Variants in ZCCHC7 observed in about 807,000 individuals in gnomAD.
ZCCHC7 encodes zinc finger CCHC-type containing 7, also known as zinc finger CCHC domain-containing protein 7.
In ZCCHC7, 35 loss-of-function variants were observed where a neutral mutation model predicts 52.0. The observed-to-expected ratio is 0.67, with a 90% CI of 0.51 to 0.89. ZCCHC7 has a LOEUF of 0.89. Among genes scored for constraint, ZCCHC7 ranks in the 40% least tolerant of loss-of-function variants. The pLI, the probability that ZCCHC7 is intolerant of heterozygous loss-of-function variation, is 0.00. For missense variants in ZCCHC7, 574 were observed against 649.1 expected, an observed-to-expected ratio of 0.88 and a Z score of 1.26; for synonymous variants, 217 against 221.5, an observed-to-expected ratio of 0.98 and a Z score of 0.18.
At chr9:37,211,754 C>T (rs546411393) in intron 2 of ZCCHC7, among the ~76,000 whole-genome samples, 45 of 152,212 alleles carry the variant, frequency 3.0e-4, no homozygotes, top group African/African-American at 1.1e-3. Flanking sequence ...TAGGGCCGGG[C>T]GCGGTGGCTC....
chr9:37,336,670 C>G (rs1388856587), intron 6 of ZCCHC7, among the ~76,000 whole-genome samples: 3 of 151,980 alleles, frequency 2.0e-5, no homozygotes, highest in African/African-American at 7.3e-5. Context: ...AATATAGTAG[C>G]AGATTTGAAT....
chr9:37,208,299 TG>T (rs1824031455), intron 2 of ZCCHC7, among the ~76,000 whole-genome samples: 2 of 152,158 alleles, frequency 1.3e-5, no homozygotes, highest in Admixed American at 6.5e-5. Flanking sequence ...TTGCCCAGGC[TG>T]GTCTTGAACT....
chr9:37,298,223 A>T (rs1374982325), intron 2 of ZCCHC7, among the ~76,000 whole-genome samples: 1 of 152,232 alleles, frequency 6.6e-6, no homozygotes, highest in Non-Finnish European at 1.5e-5. Flanking sequence ...TAATAAAGAT[A>T]GCAGAATAGT....
At chr9:37,235,973 AGATTGATT>A (rs1453630836) in intron 2 of ZCCHC7, among the ~76,000 whole-genome samples, 1 of 152,078 alleles carries the variant, frequency 6.6e-6, no homozygotes, top group Non-Finnish European at 1.5e-5. Flanking sequence ...GTGGGCAGAT[AGATTGATT>A]CTATATCTTG....
intron 5 of ZCCHC7, among the ~76,000 whole-genome samples, chr9:37,314,238 A>G (rs1829714898): frequency 1.3e-5 from 2 of 152,196 alleles, no homozygotes; most frequent in African/African-American, 2.4e-5. Context: ...GCCTGCCTTT[A>G]TAAACTTTAT....
At chr9:37,177,334 CAATA>C (rs960842324) in intron 2 of ZCCHC7, among the ~76,000 whole-genome samples, 6 of 151,440 alleles carry the variant, frequency 4.0e-5, no homozygotes, top group Non-Finnish European at 7.4e-5. Flanking sequence ...GACTCAGTCT[CAATA>C]AATAAATAAA....
intron 2 of ZCCHC7, among the ~76,000 whole-genome samples, chr9:37,132,732 G>A (rs919001173): frequency 6.6e-6 from 1 of 152,126 alleles, no homozygotes; most frequent in Non-Finnish European, 1.5e-5. Context: ...ACATCCTCTC[G>A]TATACTTTTA....
At chr9:37,353,751 T>C (rs1588714145) in intron 7 of ZCCHC7, among the ~76,000 whole-genome samples, 1 of 152,364 alleles carries the variant, frequency 6.6e-6, no homozygotes, top group Middle Eastern at 3.4e-3. Flanking sequence ...GGCTGCTAGC[T>C]TGGCTAGTTC....
At chr9:37,140,792 T>C (rs1301329353) in intron 2 of ZCCHC7, among the ~76,000 whole-genome samples, 6 of 151,976 alleles carry the variant, frequency 3.9e-5, no homozygotes, top group Admixed American at 3.9e-4. Context: ...AACTCTGTGA[T>C]TGTGCCACCA....
rs555603315 is a variant in ZCCHC7, at chr9:37,190,204, T to C, written c.610+63262T>C. Among the ~76,000 whole-genome samples, 5 of 152,338 alleles carry C rather than the reference T, an allele frequency of 3.3e-5. No individual in the cohort carries two copies. In the South Asian group the frequency reaches 1.0e-3, roughly 32 times the overall value. ...TTGTTCCCTCAGAGTTTTAGACTTC[T>C]GCAGACCCCACTGCTGCTGCTGTCA... On this transcript the variant is annotated intron_variant, in intron 2 of 8. Coordinates refer to ENST00000336755, the MANE Select transcript of ZCCHC7 (RefSeq NM_032226.3).
At chr9:37,123,195 G>A (rs939330786) in intron 1 of ZCCHC7, among the ~76,000 whole-genome samples, 8 of 5,072 alleles carry the variant, frequency 1.6e-3, no homozygotes, top group African/African-American at 2.8e-3. Context: ...TCAAGGGTGT[G>A]TGTGTGTGTG....
intron 2 of ZCCHC7, among the ~76,000 whole-genome samples, chr9:37,153,214 A>G (rs1820628401): frequency 6.6e-6 from 1 of 152,034 alleles, no homozygotes; most frequent in African/African-American, 2.4e-5. Flanking sequence ...TCTTTTGCCC[A>G]GGCTGGAGTG....
At chr9:37,162,072 A>C (rs563155664) in intron 2 of ZCCHC7, among the ~76,000 whole-genome samples, 97 of 152,300 alleles carry the variant, frequency 6.4e-4, no homozygotes, top group African/African-American at 1.8e-3. Flanking sequence ...TAACTTCAGA[A>C]ACTAAATCTG....
rs535089557 is a variant in ZCCHC7, at chr9:37,219,747, A to G, written c.611-82441A>G. Among the ~76,000 whole-genome samples, 5 of 152,360 alleles carry G rather than the reference A, an allele frequency of 3.3e-5. No individual in the cohort carries two copies. The East Asian group carries it at 9.6e-4, about 29-fold the overall frequency. ...GGTATATTTAGAATCATGTGAGTCC[A>G]AAAGTTTAAATTGTGTAAGTCTAAA... On this transcript the variant is annotated intron_variant, in intron 2 of 8. Transcript: ENST00000336755.
chr9:37,238,952 A>G (rs968241252), intron 2 of ZCCHC7, among the ~76,000 whole-genome samples: 15 of 152,264 alleles, frequency 9.9e-5, no homozygotes, highest in Admixed American at 2.6e-4. Flanking sequence ...TGGTTATTTT[A>G]CATGTTGATT....
chr9:37,329,206 T>G (rs2118205374), intron 6 of ZCCHC7, among the ~76,000 whole-genome samples: 1 of 151,910 alleles, frequency 6.6e-6, no homozygotes, highest in African/African-American at 2.4e-5. Context: ...TTTAAACAAT[T>G]CCAATCTTGA....
chr9:37,138,855 C>A (rs1018909406), intron 2 of ZCCHC7, among the ~76,000 whole-genome samples: 2 of 151,652 alleles, frequency 1.3e-5, no homozygotes, highest in African/African-American at 2.4e-5. Context: ...ATAATTATTG[C>A]ATATAGTGAT....
intron 2 of ZCCHC7, among the ~76,000 whole-genome samples, chr9:37,300,890 G>A (rs926720526): frequency 6.6e-6 from 1 of 152,172 alleles, no homozygotes; most frequent in African/African-American, 2.4e-5. Context: ...GGAAAGAAAA[G>A]AAAATAGCTG....
chr9:37,250,184 CAT>C (rs930675012), intron 2 of ZCCHC7, among the ~76,000 whole-genome samples: 2 of 152,088 alleles, frequency 1.3e-5, no homozygotes, highest in African/African-American at 4.8e-5. Flanking sequence ...TAGTTTTCTC[CAT>C]ATATGTGGCC....
Sources: gnomAD v4.1 joint callset for allele counts (sites outside exome capture counted in the v4.1 genomes callset) on GRCh38, gnomAD v4.1.1 for gene constraint, MANE v1.5 for transcripts, NCBI Gene and HGNC (gene_info 2026-07-23, HGNC 2026-07-21) for gene names.